Variants in USP32 observed in about 807,000 individuals in gnomAD.
USP32 encodes ubiquitin carboxyl-terminal hydrolase 32.
In USP32, 59 loss-of-function variants were observed where a neutral mutation model predicts 204.8. That is an observed-to-expected ratio of 0.29 (90% CI 0.23 to 0.36). The LOEUF is 0.36. USP32 is among the 10% of genes least tolerant of loss of function. USP32 has a pLI of 1.00. For synonymous variants in USP32, 517 were observed against 678.4 expected (o/e 0.76, Z 3.70); for missense variants, 1,160 against 1,946.4 (o/e 0.60, Z 7.60).
intron 5 of USP32, among the ~76,000 whole-genome samples, chr17:60,283,355 G>A (rs1402614142): frequency 6.6e-6 from 1 of 152,124 alleles, no homozygotes; most frequent in Non-Finnish European, 1.5e-5. Flanking sequence ...CCATGCTAAG[G>A]AATTTAAACA....
intron 1 of USP32, among the ~76,000 whole-genome samples, chr17:60,389,792 A>G (rs752780001): frequency 6.6e-6 from 1 of 151,828 alleles, no homozygotes; most frequent in African/African-American, 2.4e-5. Context: ...CGAGGCGGGC[A>G]GATCACAAGG....
intron 1 of USP32, among the ~76,000 whole-genome samples, chr17:60,407,323 A>C (rs2089983724): frequency 1.3e-5 from 2 of 152,200 alleles, no homozygotes; most frequent in Admixed American, 1.3e-4. Flanking sequence ...CTGAGCAAAG[A>C]ACAATTGAAG....
At chr17:60,194,979 C>G (rs1465846271) in intron 27 of USP32, among the ~76,000 whole-genome samples, 2 of 152,186 alleles carry the variant, frequency 1.3e-5, no homozygotes, top group Non-Finnish European at 2.9e-5. Flanking sequence ...CATAAACACT[C>G]AAGAAGTCGA....
chr17:60,239,892 C>T lies in USP32; in HGVS notation c.1137-3652G>A, dbSNP rs148683559. Among the ~76,000 whole-genome samples, 6 of 152,260 alleles carry T rather than the reference C, an allele frequency of 3.9e-5. No homozygotes were observed. The East Asian group carries it at 1.2e-3, about 29-fold the overall frequency. ...GGGATTACAGGAGCCTGCCACCAGG[C>T]CTGGCTAATTTTTGTATATTTTTTA... is the stretch of plus-strand genomic sequence containing the variant. On this transcript the variant is annotated intron_variant, in intron 11 of 33. Transcript: ENST00000300896.
chr17:60,347,244 G>A (rs369998546), intron 1 of USP32, among the ~76,000 whole-genome samples: 1 of 151,820 alleles, frequency 6.6e-6, no homozygotes, highest in African/African-American at 2.4e-5. Context: ...GAGTGCAGTG[G>A]CATGATCTCA....
chr17:60,210,647 T>C (rs116983245), intron 21 of USP32, among the ~76,000 whole-genome samples: 1 of 152,046 alleles, frequency 6.6e-6, no homozygotes, highest in East Asian at 1.9e-4. Flanking sequence ...CTTAGTTACG[T>C]TGAAAATGGA....
In USP32 at chr17:60,207,969, T is replaced by C. The variant is rs866400151; in HGVS notation, c.2925+90A>G. On this transcript the variant is annotated intron_variant, in intron 24 of 33. Transcript: ENST00000300896. Reference sequence around the variant, plus strand: ...CGTTATGTTTTAGTATCTCTCTTGGTCACATAACCTAACAATTGATCATAA... The same window carrying C: ...CGTTATGTTTTAGTATCTCTCTTGGCCACATAACCTAACAATTGATCATAA... 46 of 1,456,314 alleles carry C rather than the reference T, an allele frequency of 3.2e-5. No individual in the cohort carries two copies. The Middle Eastern group carries it at 7.4e-4, about 24-fold the overall frequency. The allele number at this position is 1,456,314 out of a possible 1,614,324, so 90.2% of individuals were successfully genotyped here.
intron 1 of USP32, among the ~76,000 whole-genome samples, chr17:60,410,587 G>A (rs2090010197): frequency 6.6e-6 from 1 of 152,100 alleles, no homozygotes; most frequent in South Asian, 2.1e-4. Context: ...AGAATGGTGT[G>A]AACCTGGGAG....
At chr17:60,416,226 G>C (rs1598325700) in intron 1 of USP32, among the ~76,000 whole-genome samples, 1 of 152,156 alleles carries the variant, frequency 6.6e-6, no homozygotes, top group East Asian at 1.9e-4. Context: ...AACCCAGAAA[G>C]AGAGATGGGC....
intron 1 of USP32, among the ~76,000 whole-genome samples, chr17:60,361,432 T>C (rs561254460): frequency 6.6e-6 from 1 of 152,320 alleles, no homozygotes; most frequent in Non-Finnish European, 1.5e-5. Flanking sequence ...ATTAGTAATA[T>C]ACAGGTATTC....
upstream of USP32, among the ~76,000 whole-genome samples, chr17:60,396,804 G>A (rs908344253): frequency 6.6e-6 from 1 of 152,120 alleles, no homozygotes; most frequent in Non-Finnish European, 1.5e-5. Context: ...ATCTATGTTT[G>A]GCAAACAGAC....
intron 5 of USP32, among the ~76,000 whole-genome samples, chr17:60,283,839 C>A (rs1009298288): frequency 1.3e-5 from 2 of 151,608 alleles, no homozygotes; most frequent in Non-Finnish European, 2.9e-5. Flanking sequence ...GTATCACCTA[C>A]AAAGATAGGA....
chr17:60,353,468 C>T (rs985571672), intron 1 of USP32, among the ~76,000 whole-genome samples: 8 of 152,056 alleles, frequency 5.3e-5, no homozygotes, highest in Non-Finnish European at 8.8e-5. Context: ...GAGGCCAGTG[C>T]GGTGGCTCAC....
intron 1 of USP32, among the ~76,000 whole-genome samples, chr17:60,351,187 G>A (rs1443776401): frequency 6.6e-6 from 1 of 152,070 alleles, no homozygotes; most frequent in Non-Finnish European, 1.5e-5. Context: ...TCTATGAGGA[G>A]TAGTTAGACT....
At chr17:60,255,457 C>A (rs2086277408) in intron 9 of USP32, among the ~76,000 whole-genome samples, 199 bp from the exon 10 acceptor site, 1 of 152,082 alleles carries the variant, frequency 6.6e-6, no homozygotes, top group Non-Finnish European at 1.5e-5. Flanking sequence ...GCCACCATGC[C>A]TGGCTAAGTT....
At chr17:60,280,146 G>C (rs2086934744) in intron 5 of USP32, among the ~76,000 whole-genome samples, 1 of 151,712 alleles carries the variant, frequency 6.6e-6, no homozygotes, top group South Asian at 2.1e-4. Context: ...ACCCAGGCTG[G>C]AGTGCAATGG....
At chr17:60,262,113 A>G (rs972928958) in intron 9 of USP32, among the ~76,000 whole-genome samples, 2 of 152,224 alleles carry the variant, frequency 1.3e-5, no homozygotes, top group African/African-American at 4.8e-5. Flanking sequence ...GACTACTGCT[A>G]AGCAAGGTAT....
intron 2 of USP32, among the ~76,000 whole-genome samples, chr17:60,338,459 G>C (rs1420809424): frequency 6.6e-6 from 1 of 152,138 alleles, no homozygotes; most frequent in Non-Finnish European, 1.5e-5. Context: ...GGCCAGGCAT[G>C]GTAGCGCACA....
chr17:60,414,592 C>T (rs2090045956), intron 1 of USP32, among the ~76,000 whole-genome samples: 1 of 151,222 alleles, frequency 6.6e-6, no homozygotes, highest in Non-Finnish European at 1.5e-5. Context: ...CCAGGCCCGG[C>T]TAATTTTTGT....
Sources: gnomAD v4.1 joint callset for allele counts (sites outside exome capture counted in the v4.1 genomes callset) on GRCh38, gnomAD v4.1.1 for gene constraint, MANE v1.5 for transcripts, NCBI Gene and HGNC (gene_info 2026-07-23, HGNC 2026-07-21) for gene names.